Variants in ACO1 observed in about 807,000 individuals in gnomAD.
The protein encoded by ACO1 is aconitase 1.
Under a neutral mutation model 105.1 loss-of-function variants are expected in ACO1, and 78 were observed. The observed-to-expected ratio is 0.74, with a 90% confidence interval of 0.62 to 0.90. The LOEUF is 0.90. Among genes scored for constraint, ACO1 ranks in the 40% least tolerant of loss-of-function variants. The pLI is 0.00. For missense variants in ACO1, 965 were observed against 1,111.1 expected (o/e 0.87, Z 1.87); for synonymous variants, 364 against 397.4 (o/e 0.92, Z 1.00).
At chr9:32,419,014 T>C (rs1486866892) in intron 6 of ACO1, 24 bp from the exon 7 acceptor site, 1 of 1,562,502 alleles carries the variant, frequency 6.4e-7, no homozygotes, top group Non-Finnish European at 8.7e-7. Flanking sequence ...GAAGGCATTC[T>C]TCCGGTCATG....
At chr9:32,445,694 AACTGTGATGTT>A in intron 19 of ACO1, 1 of 230,458 alleles carries the variant, frequency 4.3e-6, no homozygotes, top group South Asian at 4.0e-5. Context: ...TAGTTCTTTT[AACTGTGATGTT>A]AGGATGTCGA....
At chr9:32,397,118 A>T (rs1821388830) in intron 1 of ACO1, among the ~76,000 whole-genome samples, 1 of 152,184 alleles carries the variant, frequency 6.6e-6, no homozygotes. Flanking sequence ...AAGCTTTCTG[A>T]TATAGAGGCA....
chr9:32,384,791 T>A (rs1821120468), intron 1 of ACO1, 56 bp downstream of exon 1: 5 of 337,078 alleles, frequency 1.5e-5, no homozygotes, highest in South Asian at 9.9e-5. Flanking sequence ...GTCCACCCTG[T>A]ATCCCTCGAG....
intron 1 of ACO1, among the ~76,000 whole-genome samples, chr9:32,401,157 A>G (rs1821487171): frequency 1.3e-5 from 2 of 152,094 alleles, no homozygotes; most frequent in African/African-American, 4.8e-5. Context: ...AGGGCAGATC[A>G]TCAGAAACCT....
chr9:32,441,802 G>C (rs1224040609), intron 19 of ACO1, among the ~76,000 whole-genome samples: 1 of 152,172 alleles, frequency 6.6e-6, no homozygotes, highest in Non-Finnish European at 1.5e-5. Context: ...TGGCTGCCCA[G>C]GAAGCCATAC....
Position 32,448,917 on chromosome 9 carries a change from G to A in ACO1, c.2392G>A (p.Glu798Lys), listed in dbSNP as rs369726170. 1.8e-4 allele frequency: 293 copies of A among 1,614,092 alleles called. No individual in the cohort carries two copies. The highest frequency in any genetic ancestry group is 2.3e-4 in the Non-Finnish European group (275 of 1,180,050). Residue 798 changes from glutamate (E) to lysine (K), a missense_variant, in exon 20 of 21, where the codon GAG (glutamate) becomes AAG (lysine). Glu to Lys is a moderately conservative substitution (Grantham distance 56). Coordinates refer to ENST00000309951, the MANE Select transcript of ACO1 (RefSeq NM_002197.3). ...TCAGGGAATCAAAGCCGTCCTGGCC[G>A]AGAGCTACGAGCGCATTCACCGCAG... ...FLLGIKAVLA[E>K]SYERIHRSNL...
intron 4 of ACO1, among the ~76,000 whole-genome samples, chr9:32,415,299 G>T (rs1404149846): frequency 6.6e-6 from 1 of 152,210 alleles, no homozygotes; most frequent in Non-Finnish European, 1.5e-5. Flanking sequence ...TTTTAGAAAT[G>T]ATTGAGGTGA....
At chr9:32,444,024 T>C (rs756581976) in intron 19 of ACO1, among the ~76,000 whole-genome samples, 5 of 150,378 alleles carry the variant, frequency 3.3e-5, no homozygotes, top group Non-Finnish European at 5.9e-5. Context: ...CCTGTGTTCA[T>C]GGGTTCTCAT....
Position 32,436,164 on chromosome 9 carries a change from TTTTG to T in ACO1, c.2100-82_2100-79del, listed in dbSNP as rs758697466. On this transcript the variant is annotated intron_variant, in intron 17 of 20. Coordinates refer to ENST00000309951, the MANE Select transcript of ACO1 (RefSeq NM_002197.3). ...ATAGCCAGGTCTATGTTTTGTTTTG[TTTTG>T]TTTTTTTCTTTTCTTGGTGTAAGCT... is the stretch of plus-strand genomic sequence containing the variant. The T allele has an allele frequency of 4.5e-6, 7 of 1,557,966 alleles. No homozygotes were observed. The African/African-American group carries it at 9.5e-5, about 21-fold the overall frequency.
At chr9:32,427,883 G>A (rs1170357438) in intron 12 of ACO1, among the ~76,000 whole-genome samples, 1 of 152,126 alleles carries the variant, frequency 6.6e-6, no homozygotes, top group Non-Finnish European at 1.5e-5. Context: ...CAAACATATT[G>A]TATAGCTGTT....
chr9:32,434,791 G>A, intron 17 of ACO1, 90 bp downstream of exon 17: 1 of 1,472,440 alleles, frequency 6.8e-7, no homozygotes, highest in Non-Finnish European at 9.3e-7. Flanking sequence ...CTGGCCCTTT[G>A]GAATGAGACT....
rs928806480 is a variant in ACO1, at chr9:32,451,377, A to G, written c.*1266A>G. ...GTGCCTGGTGGGGGAGAGAGAAAAT[A>G]GGCTCTCATGTCTCTTCTTACAGCA... On this transcript the variant is annotated 3_prime_UTR_variant, in exon 21 of 21. Transcript: ENST00000309951. 2.0e-5 allele frequency: 3 copies of G among 152,144 alleles called. No individual in the cohort carries two copies. Among genetic ancestry groups the G allele is most frequent in the African/African-American group, 7.2e-5 (3 of 41,406 alleles). 9.4% of individuals were successfully genotyped at this position (152,144 alleles called of 1,614,324 possible).
rs1368717845 is a variant in ACO1 at position 32,421,019 on chromosome 9, T to C, written c.962T>C (p.Val321Ala). ...PVDEVSITYLVQTGRDEEKLK... is the reference protein window; with the variant it reads ...PVDEVSITYLAQTGRDEEKLK... The stretch of plus-strand genomic sequence containing the variant: ...GATGAAGTTAGTATCACGTACCTGG[T>C]GCAAACAGGTAAGTGAAGGGCCCTG... Residue 321 changes from valine to alanine, a missense_variant, in exon 8 of 21, where the codon GTG becomes GCG. Val to Ala is a moderately conservative substitution (Grantham distance 64). Transcript: ENST00000309951. 6.2e-7 allele frequency: 1 copy of C among 1,613,920 alleles called. No homozygotes were observed. Among genetic ancestry groups the C allele is most frequent in the Admixed American group, 1.7e-5 (1 of 60,012 alleles).
At chr9:32,385,797 G>C (rs1350973499) in intron 1 of ACO1, among the ~76,000 whole-genome samples, 1 of 152,172 alleles carries the variant, frequency 6.6e-6, no homozygotes, top group East Asian at 1.9e-4. Context: ...CTAGGAAAAT[G>C]GTTTTGACTT....
Position 32,440,359 on chromosome 9 carries a change from T to C in ACO1, c.2248-106T>C, listed in dbSNP as rs982353851. ...TGTAGACAAGATGATTGGACGGATT[T>C]GGCCATCTGCAAACCCATCCAGCCC... On this transcript the variant is annotated intron_variant, in intron 18 of 20. Coordinates refer to ENST00000309951, the MANE Select transcript of ACO1 (RefSeq NM_002197.3). 20 of 1,207,706 alleles carry C rather than the reference T, an allele frequency of 1.7e-5. No homozygotes were observed. In the Admixed American group the frequency reaches 4.1e-4, roughly 25 times the overall value. The allele number at this position is 1,207,706 out of a possible 1,614,324, so 74.8% of individuals were successfully genotyped here. A position where few individuals can be genotyped will look rare whatever the true frequency, so the allele number is the denominator to read the frequency against.
At chr9:32,432,012 C>T (rs552715537) in intron 15 of ACO1, among the ~76,000 whole-genome samples, 169 bp downstream of exon 15, 1 of 152,186 alleles carries the variant, frequency 6.6e-6, no homozygotes, top group South Asian at 2.1e-4. Context: ...TCCTGTGACT[C>T]GCATTTTTAC....
chr9:32,418,541 G>A (rs1219537642), intron 6 of ACO1, 30 bp downstream of exon 6: 1 of 1,583,926 alleles, frequency 6.3e-7, no homozygotes, highest in South Asian at 1.1e-5. Flanking sequence ...TGCTGTTTTG[G>A]GGCATGCACT....
chr9:32,442,514 G>A (rs1239408739), intron 19 of ACO1, among the ~76,000 whole-genome samples: 1 of 152,034 alleles, frequency 6.6e-6, no homozygotes, highest in East Asian at 1.9e-4. Context: ...GCTGTATATT[G>A]CCAATTATAG....
At chr9:32,401,884 C>CTTA (rs1821503405) in intron 1 of ACO1, among the ~76,000 whole-genome samples, 2 of 152,346 alleles carry the variant, frequency 1.3e-5, no homozygotes, top group South Asian at 4.1e-4. Context: ...CTGTGCTAAT[C>CTTA]ATAACCCTGT....
Sources: gnomAD v4.1 joint callset for allele counts (sites outside exome capture counted in the v4.1 genomes callset) on GRCh38, gnomAD v4.1.1 for gene constraint, MANE v1.5 for transcripts, NCBI Gene and HGNC (gene_info 2026-07-23, HGNC 2026-07-21) for gene names.